COL4A2: variants seen among roughly 807,000 people sequenced by gnomAD.
COL4A2 encodes collagen type IV alpha 2 chain.
A neutral mutation model predicts 200.2 loss-of-function variants in COL4A2; 99 were observed. That is an observed-to-expected ratio of 0.49 (90% CI 0.42 to 0.58). The LOEUF (loss-of-function observed/expected upper bound fraction) is 0.58. COL4A2 is among the 20% of genes least tolerant of loss of function. The pLI is 0.00. For synonymous variants in COL4A2, 897 were observed against 900.6 expected (o/e 1.00, Z 0.07); for missense variants, 1,950 against 2,314.1 (o/e 0.84, Z 3.23).
In COL4A2 at chr13:110,493,234, C is replaced by T. The variant is rs1298681133; in HGVS notation, c.3586C>T (p.Arg1196Cys). 4 of 1,614,050 alleles carry T rather than the reference C, an allele frequency of 2.5e-6. No individual in the cohort carries two copies. The highest frequency in any genetic ancestry group is 1.1e-5 in the South Asian group (1 of 91,086). Residue 1196 changes from arginine (R) to cysteine (C), a missense_variant, in exon 39 of 48, where the codon CGC becomes TGC. By Grantham distance (180) the Arg-to-Cys change is radical (BLOSUM62 -3). This residue lies in a region of COL4A2 where 1,385 missense variants were observed against 1,720.5 expected (regional missense o/e 0.80). Transcript: ENST00000360467. ...LPGFPGLRGIRGLHGLPGTKG... is the reference protein window; with the variant it reads ...LPGFPGLRGICGLHGLPGTKG... ...AGGTTTTCCGGGACTCCGTGGGATCCGCGGCTTACACGGCTTGCCAGGCAC... is the reference window on the plus strand; with the variant it reads ...AGGTTTTCCGGGACTCCGTGGGATCTGCGGCTTACACGGCTTGCCAGGCAC...
At position 110,506,493 on chromosome 13, in the gene COL4A2, A is replaced by T. The variant is rs1414768740; in HGVS notation, c.4481A>T (p.Lys1494Met). 1 of 1,612,798 alleles carries T rather than the reference A, an allele frequency of 6.2e-7. No individual in the cohort carries two copies. The highest frequency in any genetic ancestry group is 2.2e-5 in the East Asian group (1 of 44,868). The change falls in exon 46 of 48, where the codon AAG becomes ATG. Residue 1494 changes from lysine to methionine, a missense_variant. Physicochemically the swap from Lys to Met is moderately conservative, Grantham distance 95. Coordinates refer to ENST00000360467, the MANE Select transcript of COL4A2 (RefSeq NM_001846.4). ...RSVSIGYLLVKHSQTDQEPMC... is the reference protein window; with the variant it reads ...RSVSIGYLLVMHSQTDQEPMC... ...GTCAGCATCGGCTACCTCCTGGTGA[A>T]GCACAGCCAGACGGACCAGGAGCCC...
intron 29 of COL4A2, among the ~76,000 whole-genome samples, chr13:110,477,337 C>T (rs770079575): frequency 6.6e-6 from 1 of 152,230 alleles, no homozygotes; most frequent in African/African-American, 2.4e-5. Context: ...TGCCAGGGTT[C>T]CATTTTGCTT....
intron 4 of COL4A2, among the ~76,000 whole-genome samples, chr13:110,401,575 A>G (rs1879371013): frequency 6.6e-6 from 1 of 152,222 alleles, no homozygotes; most frequent in Non-Finnish European, 1.5e-5. Context: ...AAGTAGCTTG[A>G]TATCATTAGA....
chr13:110,433,037 G>A (rs113180225), intron 11 of COL4A2, among the ~76,000 whole-genome samples: 471 of 152,338 alleles, frequency 3.1e-3, no homozygotes, highest in African/African-American at 0.011. Flanking sequence ...AGAAATGCTG[G>A]GCTGCCAGCG....
Position 110,512,205 on chromosome 13 carries a change from A to G in COL4A2, c.*14A>G, listed in dbSNP as rs374108020. ...AAGAACCTGTGAGCCGGCGCGTGCC[A>G]GGAAGGGCCATTTTGGTGCTTATTC... On this transcript the variant is annotated 3_prime_UTR_variant, in exon 48 of 48. Transcript: ENST00000360467. 27 of 1,605,824 alleles carry G rather than the reference A, an allele frequency of 1.7e-5. No individual in the cohort carries two copies. The highest frequency in any genetic ancestry group is 1.5e-4 in the African/African-American group (11 of 74,622).
chr13:110,439,457 C>T (rs1180489118), intron 15 of COL4A2, among the ~76,000 whole-genome samples: 1 of 152,152 alleles, frequency 6.6e-6, no homozygotes, highest in Non-Finnish European at 1.5e-5. Flanking sequence ...ATGTGTCTCC[C>T]TCAGGAAATG....
intron 13 of COL4A2, 112 bp from the exon 14 acceptor site, chr13:110,437,890 T>C (rs1880955117): frequency 1.2e-6 from 1 of 868,758 alleles, no homozygotes; most frequent in Non-Finnish European, 1.9e-6. Flanking sequence ...TTTATGATGA[T>C]TGTGTGAGGA....
At chr13:110,330,659 G>C (rs896679260) in intron 3 of COL4A2, among the ~76,000 whole-genome samples, 5 of 152,126 alleles carry the variant, frequency 3.3e-5, no homozygotes, top group African/African-American at 1.2e-4. Flanking sequence ...TCTCCGATCC[G>C]CAGGGCACGA....
At chr13:110,505,502 G>A (rs1007851766) in intron 45 of COL4A2, among the ~76,000 whole-genome samples, 9 of 152,130 alleles carry the variant, frequency 5.9e-5, no homozygotes, top group African/African-American at 1.7e-4. Flanking sequence ...ATGGGAGCCC[G>A]CCCAGGGTAG....
chr13:110,403,288 AT>A lies in COL4A2; in HGVS notation c.181-21443del, dbSNP rs1221139390. On this transcript the variant is annotated intron_variant, in intron 4 of 47. Coordinates refer to ENST00000360467, the MANE Select transcript of COL4A2 (RefSeq NM_001846.4). Reference sequence around the variant, plus strand: ...TGTTTCTTGATAAATTCCATCTTTAATTTGTTTCTCTCTGTTTACACTTTAC... The same window carrying A: ...TGTTTCTTGATAAATTCCATCTTTAATTGTTTCTCTCTGTTTACACTTTAC... Among the ~76,000 whole-genome samples, 20 of 152,208 alleles carry A rather than the reference AT, an allele frequency of 1.3e-4. No homozygotes were observed. In the East Asian group the frequency reaches 3.9e-3, roughly 29 times the overall value.
At chr13:110,474,729 G>A (rs1410934981) in intron 29 of COL4A2, among the ~76,000 whole-genome samples, 4 of 95,730 alleles carry the variant, frequency 4.2e-5, no homozygotes, top group African/African-American at 4.2e-5. Flanking sequence ...ACACACGCAC[G>A]TACCCACACA....
chr13:110,403,375 A>G (rs919071397), intron 4 of COL4A2, among the ~76,000 whole-genome samples: 1 of 152,214 alleles, frequency 6.6e-6, no homozygotes, highest in African/African-American at 2.4e-5. Context: ...TCTTCTGCCA[A>G]ATATCCTATT....
At chr13:110,332,920 A>C (rs549517151) in intron 3 of COL4A2, among the ~76,000 whole-genome samples, 51 of 152,202 alleles carry the variant, frequency 3.4e-4, no homozygotes, top group Admixed American at 1.9e-3. Context: ...CAGAAGCCCA[A>C]ATTCCCATGG....
intron 13 of COL4A2, among the ~76,000 whole-genome samples, chr13:110,437,181 G>A (rs943786671): frequency 6.6e-6 from 1 of 152,246 alleles, no homozygotes; most frequent in African/African-American, 2.4e-5. Context: ...TTGGCAGGCA[G>A]GACCACTGCC....
At chr13:110,386,519 T>C (rs1009491517) in intron 4 of COL4A2, among the ~76,000 whole-genome samples, 10 of 152,084 alleles carry the variant, frequency 6.6e-5, no homozygotes, top group African/African-American at 2.2e-4. Flanking sequence ...CTGTAAAAAA[T>C]GGAAATGAAA....
chr13:110,428,727 G>T (rs1234617223), intron 7 of COL4A2, 144 bp downstream of exon 7: 3 of 442,304 alleles, frequency 6.8e-6, no homozygotes, highest in East Asian at 3.5e-5. Flanking sequence ...GACGTTTCTG[G>T]ATTCAAGTAA....
intron 28 of COL4A2, among the ~76,000 whole-genome samples, chr13:110,472,576 C>A (rs1882520538): frequency 6.6e-6 from 1 of 152,086 alleles, no homozygotes; most frequent in Admixed American, 6.5e-5. Flanking sequence ...TCACTCAGCA[C>A]AACCTAGAAG....
intron 29 of COL4A2, 183 bp downstream of exon 29, chr13:110,473,333 T>C (rs1205456577): frequency 2.0e-5 from 11 of 558,616 alleles, no homozygotes; most frequent in Non-Finnish European, 3.4e-5. Flanking sequence ...ACACTGTGAC[T>C]ACCCACGGTA....
chr13:110,480,428 G>C (rs965647457), intron 31 of COL4A2, 38 bp downstream of exon 31: 1 of 1,580,164 alleles, frequency 6.3e-7, no homozygotes, highest in Non-Finnish European at 8.6e-7. Context: ...CCTTGGCGGG[G>C]AGGTTGGGTC....
Sources: allele counts gnomAD v4.1 joint callset (sites outside exome capture counted in the v4.1 genomes callset), GRCh38; gene constraint gnomAD v4.1.1; regional missense constraint gnomAD v4.1.1; transcripts MANE v1.5; gene names NCBI Gene and HGNC (gene_info 2026-07-23, HGNC 2026-07-21).